VPS13D: variants seen among roughly 807,000 people sequenced by gnomAD.
VPS13D encodes vacuolar protein sorting 13 homolog D.
VPS13D carries 187 observed loss-of-function variants against 461.9 expected under a neutral mutation model. The observed-to-expected ratio is 0.40, with a 90% confidence interval of 0.36 to 0.46. VPS13D has a LOEUF of 0.46. Among genes scored for constraint, VPS13D ranks in the 20% least tolerant of loss-of-function variants. VPS13D has a pLI of 0.60. For synonymous variants in VPS13D, 1,951 were observed against 1,986.3 expected (o/e 0.98, Z 0.47); for missense variants, 4,711 against 5,364.9 (o/e 0.88, Z 3.81).
chr1:12,310,012 G>A (rs1642688680), intron 27 of VPS13D, among the ~76,000 whole-genome samples: 2 of 152,114 alleles, frequency 1.3e-5, no homozygotes, highest in African/African-American at 4.8e-5. Flanking sequence ...GGCTATATTT[G>A]GTTTTACTGG....
rs1429369207 is a variant in VPS13D at position 12,507,734 on chromosome 1, A to T, written c.13035+641A>T. On this transcript the variant is annotated intron_variant, in intron 69 of 69. Coordinates refer to ENST00000620676, the MANE Select transcript of VPS13D (RefSeq NM_015378.4). The surrounding 1 kb of genome is among the most constrained non-coding windows in gnomAD (Gnocchi z 5.3). ...CACTATTGGTCATAGCAGGTGATTCATTCAAGGCTACACAGCTGACCTTGA... is the reference window on the plus strand; with the variant it reads ...CACTATTGGTCATAGCAGGTGATTCTTTCAAGGCTACACAGCTGACCTTGA... Among the ~76,000 whole-genome samples, 1 of 152,186 alleles carries T rather than the reference A, an allele frequency of 6.6e-6. No homozygotes were observed. Among genetic ancestry groups the T allele is most frequent in the East Asian group, 1.9e-4 (1 of 5,202 alleles).
At position 12,368,581 on chromosome 1, in the gene VPS13D, A is replaced by G. The variant is rs1557737087; in HGVS notation, c.10562A>G (p.Asn3521Ser). 3.1e-6 allele frequency: 5 copies of G among 1,612,854 alleles called. No individual in the cohort carries two copies. The highest frequency in any genetic ancestry group is 4.2e-6 in the Non-Finnish European group (5 of 1,179,430). ...DQLPPPFRID[N>S]FSKVPVVFTQ... is the part of the protein sequence containing the mutation. ...TTACCTCCTCCTTTCCGAATTGACAACTTTTCTAAGGTATCAAGTGGAGCT... is the reference window on the plus strand; with the variant it reads ...TTACCTCCTCCTTTCCGAATTGACAGCTTTTCTAAGGTATCAAGTGGAGCT... The change falls in exon 53 of 70, where the codon AAC becomes AGC. Residue 3521 changes from asparagine to serine, a missense_variant. Asn to Ser is a conservative substitution (Grantham distance 46). This residue lies in a region of VPS13D where 4,411 missense variants were observed against 4,937.8 expected (regional missense o/e 0.89). Transcript: ENST00000620676.
chr1:12,295,160 G>A (rs563396388), intron 24 of VPS13D, among the ~76,000 whole-genome samples: 1 of 147,002 alleles, frequency 6.8e-6, no homozygotes, highest in Non-Finnish European at 1.5e-5. Context: ...GGAGGTGGAG[G>A]TTGCAGTGAG....
At chr1:12,356,293 C>A in intron 48 of VPS13D, 105 bp from the exon 49 acceptor site, 1 of 1,446,536 alleles carries the variant, frequency 6.9e-7, no homozygotes, top group Non-Finnish European at 9.2e-7. Context: ...TAAATAGATT[C>A]AGTTTTCACT....
intron 63 of VPS13D, among the ~76,000 whole-genome samples, chr1:12,406,766 A>T (rs1000094943): frequency 2.0e-5 from 3 of 152,288 alleles, no homozygotes; most frequent in African/African-American, 7.2e-5. Flanking sequence ...CAGGTAGTTT[A>T]TACGTGTTTT....
At chr1:12,380,636 A>G (rs887205595) in intron 57 of VPS13D, among the ~76,000 whole-genome samples, 1 of 152,238 alleles carries the variant, frequency 6.6e-6, no homozygotes, top group African/African-American at 2.4e-5. Flanking sequence ...TTGGACATGC[A>G]GTAGACTAGC....
Position 12,378,547 on chromosome 1 carries a change from T to A in VPS13D, c.11037T>A (p.Ser3679=). The change falls in exon 56 of 70, where the codon TCT becomes TCA. Residue 3679 remains serine (S), a synonymous_variant. Coordinates refer to ENST00000620676, the MANE Select transcript of VPS13D (RefSeq NM_015378.4). ...CAGCCGCCCGCTCCACCGAGGGGTC[T>A]GCCATCTTAGATATTGCTGGTCTCG... ...KPSAARSTEG[S]AILDIAGLAA... The A allele has an allele frequency of 6.2e-7, 1 of 1,609,888 alleles. No individual in the cohort carries two copies. Among genetic ancestry groups the A allele is most frequent in the Non-Finnish European group, 8.5e-7 (1 of 1,178,146 alleles).
At chr1:12,467,513 C>T (rs1475171351) in intron 67 of VPS13D, among the ~76,000 whole-genome samples, 1 of 152,156 alleles carries the variant, frequency 6.6e-6, no homozygotes, top group Non-Finnish European at 1.5e-5. Context: ...TCCTTCATGC[C>T]TTATAAGTTA....
At position 12,319,488 on chromosome 1, in the gene VPS13D, C is replaced by T; in HGVS notation, c.7415-9C>T. ...GCTCTGGCTTGATTGACGACGTTGTCCTTTCCAGGTACGGAGTTTGTGGTC... is the reference window on the plus strand; with the variant it reads ...GCTCTGGCTTGATTGACGACGTTGTTCTTTCCAGGTACGGAGTTTGTGGTC... On this transcript the variant is annotated splice_polypyrimidine_tract_variant and intron_variant, in intron 31 of 69. Coordinates refer to ENST00000620676, the MANE Select transcript of VPS13D (RefSeq NM_015378.4). 1.2e-6 allele frequency: 2 copies of T among 1,613,948 alleles called. No homozygotes were observed. The highest frequency in any genetic ancestry group is 1.7e-6 in the Non-Finnish European group (2 of 1,179,864).
At position 12,473,557 on chromosome 1, in the gene VPS13D, C is replaced by T. The variant is rs182390459; in HGVS notation, c.12662+13161C>T. Among the ~76,000 whole-genome samples the T allele has an allele frequency of 3.9e-3, 594 of 152,184 alleles. 5 individuals are homozygous for T. The highest frequency in any genetic ancestry group is 6.0e-3 in the Non-Finnish European group (411 of 68,018). ...GAGATTCCTTTGAGTCATATGCCTA[C>T]CTCGGTGGGTGGTTACGTGGATTAA... On this transcript the variant is annotated intron_variant, in intron 67 of 69. Transcript: ENST00000620676. This position sits in a 1 kb window ranked among gnomAD's most constrained non-coding sequence, Gnocchi z 4.2.
chr1:12,339,860 A>G (rs1643530034), intron 40 of VPS13D, among the ~76,000 whole-genome samples: 1 of 152,192 alleles, frequency 6.6e-6, no homozygotes. Flanking sequence ...ATATATTTGT[A>G]TGGATTCGCA....
rs773245455 is a variant in VPS13D, at chr1:12,283,712, A to G, written c.5610A>G (p.Pro1870=). The part of the protein sequence containing the change: ...HASMESGLQD[P]VNTKLDLKVH... ...CCATGGAGTCTGGACTTCAGGATCCAGTGAACACCAAACTGGATCTCAAGG... is the reference window on the plus strand; with the variant it reads ...CCATGGAGTCTGGACTTCAGGATCCGGTGAACACCAAACTGGATCTCAAGG... Residue 1870 remains proline (P), a synonymous_variant, in exon 21 of 70, where the codon CCA becomes CCG. Coordinates refer to ENST00000620676, the MANE Select transcript of VPS13D (RefSeq NM_015378.4). 4.0e-5 allele frequency: 65 copies of G among 1,613,384 alleles called. No homozygotes were observed. The highest frequency in any genetic ancestry group is 1.3e-5 in the African/African-American group (1 of 74,930).
At chr1:12,373,479 G>A (rs1644154627) in intron 54 of VPS13D, among the ~76,000 whole-genome samples, 1 of 151,516 alleles carries the variant, frequency 6.6e-6, no homozygotes, top group South Asian at 2.1e-4. Context: ...TTATACTTTT[G>A]CATCTGAATT....
At chr1:12,262,180 G>T (rs1356218683) in intron 13 of VPS13D, 100 bp downstream of exon 13, 5 of 1,330,010 alleles carry the variant, frequency 3.8e-6, no homozygotes, top group Non-Finnish European at 5.1e-6. Context: ...TAGAAAGTCA[G>T]TGCGAAAACT....
Position 12,379,599 on chromosome 1 carries a change from C to T in VPS13D, c.11190+3C>T. ...GGTTACATGGGTTGGTCGTCCAGGTCAGTCGTTTTTGATCCCCAATTGCAG... is the reference window on the plus strand; with the variant it reads ...GGTTACATGGGTTGGTCGTCCAGGTTAGTCGTTTTTGATCCCCAATTGCAG... On this transcript the variant is annotated splice_donor_region_variant and intron_variant, in intron 57 of 69. Coordinates refer to ENST00000620676, the MANE Select transcript of VPS13D (RefSeq NM_015378.4). 6.2e-7 allele frequency: 1 copy of T among 1,611,274 alleles called. No individual in the cohort carries two copies. Among genetic ancestry groups the T allele is most frequent in the South Asian group, 1.1e-5 (1 of 90,524 alleles).
chr1:12,235,339 G>A (rs754853862), intron 2 of VPS13D, among the ~76,000 whole-genome samples: 7 of 152,184 alleles, frequency 4.6e-5, no homozygotes, highest in Non-Finnish European at 1.0e-4. Flanking sequence ...AGTACTTTGG[G>A]AAGCTAAGGC....
intron 17 of VPS13D, among the ~76,000 whole-genome samples, chr1:12,272,139 C>T (rs905614110): frequency 6.6e-6 from 1 of 152,152 alleles, no homozygotes; most frequent in Non-Finnish European, 1.5e-5. Context: ...GTGCAGTGAG[C>T]TATGATCTGC....
At chr1:12,252,123 C>G (rs898370875) in intron 6 of VPS13D, among the ~76,000 whole-genome samples, 8 of 152,094 alleles carry the variant, frequency 5.3e-5, no homozygotes, top group Non-Finnish European at 8.8e-5. Flanking sequence ...AGATTAGGGC[C>G]TCCACTAAAC....
chr1:12,253,286 A>G (rs1235996291), intron 6 of VPS13D, among the ~76,000 whole-genome samples: 5 of 152,232 alleles, frequency 3.3e-5, no homozygotes, highest in Non-Finnish European at 7.3e-5. Flanking sequence ...ATACGCAAAT[A>G]CTATGCCTTT....
Sources: allele counts gnomAD v4.1 joint callset (sites outside exome capture counted in the v4.1 genomes callset), GRCh38; gene constraint gnomAD v4.1.1; regional missense constraint gnomAD v4.1.1; non-coding constraint Gnocchi (gnomAD v3.1); transcripts MANE v1.5; gene names NCBI Gene and HGNC (gene_info 2026-07-23, HGNC 2026-07-21).